RYR3: variants seen among roughly 807,000 people sequenced by gnomAD.
RYR3 encodes brain ryanodine receptor-calcium release channel.
RYR3 carries 207 observed loss-of-function variants against 584.3 expected under a neutral mutation model. The observed-to-expected ratio is 0.35, with a 90% CI of 0.32 to 0.40. RYR3 has a LOEUF of 0.40. Ranked by LOEUF, RYR3 falls within the 10% of genes least tolerant of loss-of-function variation. The pLI is 1.00. For missense variants in RYR3, 5,616 were observed against 6,089.2 expected, an observed-to-expected ratio of 0.92 and a Z score of 2.59; for synonymous variants, 2,416 against 2,248.5, an observed-to-expected ratio of 1.07 and a Z score of -2.11.
At chr15:33,722,046 C>G (rs2067971826) in intron 43 of RYR3, among the ~76,000 whole-genome samples, 1 of 152,164 alleles carries the variant, frequency 6.6e-6, no homozygotes, top group Non-Finnish European at 1.5e-5. Context: ...CAGAAATGAC[C>G]TGAAGTCCCT....
intron 98 of RYR3, 34 bp from the exon 99 acceptor site, chr15:33,857,746 A>G (rs541614711): frequency 1.9e-6 from 3 of 1,611,328 alleles, no homozygotes; most frequent in Non-Finnish European, 2.5e-6. Context: ...AGAAGACCCC[A>G]CTCCTTTTCC....
intron 1 of RYR3, among the ~76,000 whole-genome samples, chr15:33,354,045 C>T (rs771310914): frequency 4.6e-5 from 7 of 152,214 alleles, no homozygotes; most frequent in Non-Finnish European, 8.8e-5. Context: ...CTTAGGGTCA[C>T]TCTTTTGATT....
chr15:33,546,285 G>A (rs1187880354), intron 8 of RYR3, among the ~76,000 whole-genome samples: 3 of 152,126 alleles, frequency 2.0e-5, no homozygotes, highest in African/African-American at 7.2e-5. Context: ...CTCCTGAAGG[G>A]ATCCTTTCAG....
chr15:33,728,016 T>C (rs1279700343), intron 46 of RYR3, among the ~76,000 whole-genome samples: 1 of 152,232 alleles, frequency 6.6e-6, no homozygotes, highest in Non-Finnish European at 1.5e-5. Flanking sequence ...AGACGATTAT[T>C]TCCAAATATT....
intron 96 of RYR3, among the ~76,000 whole-genome samples, 193 bp from the exon 97 acceptor site, chr15:33,854,195 CA>C (rs35238625): frequency 7.2e-5 from 10 of 138,060 alleles, no homozygotes; most frequent in African/African-American, 8.1e-5. Context: ...GACTCCGTTT[CA>C]AAAAAAAAAA....
intron 27 of RYR3, among the ~76,000 whole-genome samples, chr15:33,638,991 C>T (rs2061652354): frequency 6.6e-6 from 1 of 152,132 alleles, no homozygotes; most frequent in African/African-American, 2.4e-5. Flanking sequence ...AGATTATAGG[C>T]TCAAATACTG....
At chr15:33,688,450 G>T (rs2065172053) in intron 38 of RYR3, among the ~76,000 whole-genome samples, 1 of 151,852 alleles carries the variant, frequency 6.6e-6, no homozygotes, top group Non-Finnish European at 1.5e-5. Context: ...GCGGGCACCT[G>T]TAGTCCCAGC....
At position 33,788,385 on chromosome 15, in the gene RYR3, G is replaced by A. The variant is rs748918615; in HGVS notation, c.9757G>A (p.Asp3253Asn). 1.9e-6 allele frequency: 3 copies of A among 1,613,980 alleles called. No homozygotes were observed. Among genetic ancestry groups the A allele is most frequent in the Non-Finnish European group, 2.5e-6 (3 of 1,179,864 alleles). Residue 3253 changes from aspartate to asparagine, a missense_variant, in exon 67 of 104, where the codon GAC (aspartate) becomes AAC (asparagine). Physicochemically the swap from Asp to Asn is conservative, Grantham distance 23. Transcript: ENST00000634891. ...DTQEAELLIL[D>N]EFAVLCRDLY... is the part of the protein sequence containing the mutation. ...CCAGGAGGCAGAACTCCTCATCCTG[G>A]ACGAGTTCGCGGTCCTCTGCAGAGA...
chr15:33,729,552 A>G (rs2068770852), intron 47 of RYR3, among the ~76,000 whole-genome samples: 1 of 152,208 alleles, frequency 6.6e-6, no homozygotes, highest in Admixed American at 6.5e-5. Context: ...GTCTGAAGCC[A>G]GGGGCCTGAC....
chr15:33,400,105 GA>G, intron 1 of RYR3, among the ~76,000 whole-genome samples: 1 of 152,078 alleles, frequency 6.6e-6, no homozygotes, highest in Non-Finnish European at 1.5e-5. Context: ...TGCATGTATT[GA>G]AATTTATTTA....
At chr15:33,552,849 A>C (rs1490986429) in intron 10 of RYR3, among the ~76,000 whole-genome samples, 1 of 152,186 alleles carries the variant, frequency 6.6e-6, no homozygotes, top group Non-Finnish European at 1.5e-5. Flanking sequence ...CCTGCTTAGT[A>C]AGCATATTCT....
chr15:33,803,262 G>C (rs1005753026), intron 69 of RYR3, among the ~76,000 whole-genome samples: 1 of 152,200 alleles, frequency 6.6e-6, no homozygotes, highest in African/African-American at 2.4e-5. Context: ...CATTCATGAG[G>C]AATCTTTGCT....
At chr15:33,566,876 G>T in intron 12 of RYR3, 77 bp downstream of exon 12, 1 of 1,483,510 alleles carries the variant, frequency 6.7e-7, no homozygotes, top group South Asian at 1.2e-5. Flanking sequence ...ACCTCCTTTT[G>T]ATACTGTGAA....
At position 33,652,156 on chromosome 15, in the gene RYR3, G is replaced by A. The variant is rs150548900; in HGVS notation, c.4143-562G>A. On this transcript the variant is annotated intron_variant, in intron 31 of 103. Transcript: ENST00000634891. ...GGGAGGCAGAACTCCAAGGCATGGG[G>A]AAGGACAGGGGCTCATAAGTCAAGG... Among the ~76,000 whole-genome samples, 463 of 152,318 alleles carry A rather than the reference G, an allele frequency of 3.0e-3. 3 individuals carry two copies. Among genetic ancestry groups the A allele is most frequent in the African/African-American group, 0.011 (438 of 41,562 alleles).
intron 60 of RYR3, among the ~76,000 whole-genome samples, chr15:33,760,567 A>G (rs1008171658): frequency 6.6e-6 from 1 of 152,242 alleles, no homozygotes; most frequent in Non-Finnish European, 1.5e-5. Context: ...TCCTAAATAT[A>G]TGTGCACTAA....
intron 12 of RYR3, among the ~76,000 whole-genome samples, chr15:33,568,765 C>G (rs11857690): frequency 3.3e-5 from 5 of 151,986 alleles, no homozygotes; most frequent in African/African-American, 7.3e-5. Flanking sequence ...ATTTGCAGAG[C>G]CTTACAACCA....
intron 97 of RYR3, 114 bp from the exon 98 acceptor site, chr15:33,854,652 C>G (rs955543633): frequency 3.6e-6 from 5 of 1,370,014 alleles, no homozygotes; most frequent in Admixed American, 4.4e-5. Flanking sequence ...CACAGCACCT[C>G]AGCACCTAAA....
At chr15:33,337,968 T>G (rs1183789261) in intron 1 of RYR3, among the ~76,000 whole-genome samples, 3 of 131,848 alleles carry the variant, frequency 2.3e-5, no homozygotes, top group Non-Finnish European at 4.8e-5. Flanking sequence ...TTTTTGAGAC[T>G]GAGTCTCACT....
At chr15:33,717,264 C>G (rs1322414330) in intron 43 of RYR3, among the ~76,000 whole-genome samples, 1 of 152,114 alleles carries the variant, frequency 6.6e-6, no homozygotes, top group African/African-American at 2.4e-5. Context: ...TCTTGGTTAT[C>G]TACCTGGTAT....
Sources: allele counts gnomAD v4.1 joint callset (sites outside exome capture counted in the v4.1 genomes callset), GRCh38; gene constraint gnomAD v4.1.1; transcripts MANE v1.5; gene names NCBI Gene and HGNC (gene_info 2026-07-23, HGNC 2026-07-21).